The following CNTNAP2 variants were observed in gnomAD, a reference collection of about 807,000 sequenced individuals.
CNTNAP2 encodes contactin associated protein 2.
CNTNAP2 carries 98 observed loss-of-function variants against 155.2 expected under a neutral mutation model. The observed-to-expected ratio is 0.63, with a 90% CI of 0.54 to 0.75. The LOEUF (loss-of-function observed/expected upper bound fraction) is 0.75. CNTNAP2 is among the 30% of genes least tolerant of loss of function. CNTNAP2 has a pLI of 0.00. For missense variants in CNTNAP2, 1,727 were observed against 1,688.1 expected (o/e 1.02, Z -0.40); for synonymous variants, 651 against 631.2 (o/e 1.03, Z -0.47).
chr7:147,902,535 G>A (rs1350695016), intron 13 of CNTNAP2, among the ~76,000 whole-genome samples: 1 of 152,066 alleles, frequency 6.6e-6, no homozygotes. Context: ...AATCCAATTT[G>A]TCATCTTTTA....
intron 1 of CNTNAP2, among the ~76,000 whole-genome samples, chr7:146,327,067 G>C (rs1226977323): frequency 1.3e-5 from 2 of 152,012 alleles, no homozygotes; most frequent in African/African-American, 4.8e-5. Flanking sequence ...ATCTGACATG[G>C]TAATAATATA....
intron 8 of CNTNAP2, among the ~76,000 whole-genome samples, chr7:147,233,471 C>A (rs997188166): frequency 4.0e-5 from 6 of 151,728 alleles, no homozygotes; most frequent in Non-Finnish European, 8.8e-5. Context: ...GTAGAGAAAA[C>A]AAACTTTGTC....
intron 15 of CNTNAP2, among the ~76,000 whole-genome samples, chr7:148,066,554 G>A (rs1803267587): frequency 6.6e-6 from 1 of 151,888 alleles, no homozygotes. Context: ...CCGGAGTGCA[G>A]TGGTGCTATC....
intron 1 of CNTNAP2, among the ~76,000 whole-genome samples, chr7:146,179,113 T>C (rs1798512885): frequency 6.6e-6 from 1 of 152,168 alleles, no homozygotes; most frequent in Non-Finnish European, 1.5e-5. Flanking sequence ...GATCACCTAG[T>C]GAACATAAGC....
intron 13 of CNTNAP2, among the ~76,000 whole-genome samples, chr7:147,689,481 T>C (rs1181600768): frequency 6.6e-6 from 1 of 152,180 alleles, no homozygotes; most frequent in Non-Finnish European, 1.5e-5. Flanking sequence ...CTCATATAAT[T>C]AAAGAAATCA....
intron 21 of CNTNAP2, among the ~76,000 whole-genome samples, chr7:148,362,299 C>A (rs1286719446): frequency 6.6e-6 from 1 of 152,142 alleles, no homozygotes. Context: ...TTACGTCCCC[C>A]CAGGTCCCTC....
intron 10 of CNTNAP2, among the ~76,000 whole-genome samples, chr7:147,414,451 AG>A (rs1253631855): frequency 7.1e-6 from 1 of 140,274 alleles, no homozygotes; most frequent in Non-Finnish European, 1.6e-5. Context: ...AAAAAAAAAA[AG>A]GATGCCAACA....
rs935649429 is a variant in CNTNAP2 at position 148,061,948 on chromosome 7, A to G, written c.2384-56170A>G. Among the ~76,000 whole-genome samples the G allele has an allele frequency of 3.9e-3, 463 of 117,936 alleles. 4 individuals carry two copies. Among genetic ancestry groups the G allele is most frequent in the African/African-American group, 4.6e-3 (133 of 28,736 alleles). 77.4% of individuals were successfully genotyped at this position (117,936 alleles called of 152,430 possible). A position where few individuals can be genotyped will look rare whatever the true frequency, so the allele number is the denominator to read the frequency against. On this transcript the variant is annotated intron_variant, in intron 15 of 23. Transcript: ENST00000361727. ...AGATAGATAGATAGATAGATAGATA[A>G]ACAGATATAGATAGATAGATAGATA...
chr7:146,855,941 A>G (rs576814977), intron 3 of CNTNAP2, among the ~76,000 whole-genome samples: 3 of 150,934 alleles, frequency 2.0e-5, no homozygotes, highest in African/African-American at 7.3e-5. Context: ...CACACCTAAG[A>G]TAGACTTTAA....
At chr7:147,468,195 G>A (rs1442860351) in intron 10 of CNTNAP2, among the ~76,000 whole-genome samples, 1 of 152,064 alleles carries the variant, frequency 6.6e-6, no homozygotes, top group African/African-American at 2.4e-5. Flanking sequence ...AGAGGCTGAG[G>A]CAGGATTGCT....
At position 147,950,364 on chromosome 7, in the gene CNTNAP2, C is replaced by CAAAAAAAAAAAAAAAAAA. The variant is rs386411606; in HGVS notation, c.2256-27486_2256-27469dup. ...AGCTTAAGCTATACACATAGAGAGGCAAAAAAAAAAAAAAAAAAAAAAAAA... is the reference window on the plus strand; with the variant it reads ...AGCTTAAGCTATACACATAGAGAGGCAAAAAAAAAAAAAAAAAAAAAAAAAAAAAAAAAAAAAAAAAAA... On this transcript the variant is annotated intron_variant, in intron 14 of 23. Transcript: ENST00000361727. Among the ~76,000 whole-genome samples, 7 of 55,784 alleles carry CAAAAAAAAAAAAAAAAAA rather than the reference C, an allele frequency of 1.3e-4. 1 individual carries two copies. Among genetic ancestry groups the CAAAAAAAAAAAAAAAAAA allele is most frequent in the East Asian group, 9.6e-4 (1 of 1,040 alleles). The allele number at this position is 55,784 out of a possible 152,430, so 36.6% of individuals were successfully genotyped here. A position where few individuals can be genotyped will look rare whatever the true frequency, so the allele number is the denominator to read the frequency against.
At chr7:147,401,056 C>G (rs569155788) in intron 10 of CNTNAP2, among the ~76,000 whole-genome samples, 2 of 152,078 alleles carry the variant, frequency 1.3e-5, no homozygotes, top group Non-Finnish European at 2.9e-5. Context: ...TTAGTGATGT[C>G]CCCTAGAGGT....
chr7:147,211,587 G>A (rs67143657), intron 8 of CNTNAP2, among the ~76,000 whole-genome samples: 3,581 of 151,952 alleles, frequency 0.024, 47 homozygotes, highest in South Asian at 0.043. Flanking sequence ...TTCAACACAC[G>A]GTGCTGGGAT....
chr7:146,355,716 A>G (rs1444892062), intron 1 of CNTNAP2, among the ~76,000 whole-genome samples: 2 of 152,140 alleles, frequency 1.3e-5, no homozygotes, highest in Non-Finnish European at 2.9e-5. Flanking sequence ...GTGAAATATC[A>G]TTTCATTTTA....
rs536338624 is a variant in CNTNAP2, at chr7:148,290,277, C to T, written c.3475+23151C>T. On this transcript the variant is annotated intron_variant, in intron 21 of 23. Transcript: ENST00000361727. ...AAATGTTTCTTGTTTTTTAAAAAAT[C>T]ATTGTACATAACAGTTTTCACCTTC... Among the ~76,000 whole-genome samples the T allele has an allele frequency of 2.8e-4, 42 of 152,132 alleles. 2 individuals carry two copies. In the South Asian group the frequency reaches 8.1e-3, roughly 29 times the overall value.
intron 1 of CNTNAP2, among the ~76,000 whole-genome samples, chr7:146,528,045 C>G (rs929113244): frequency 6.6e-6 from 1 of 152,028 alleles, no homozygotes; most frequent in African/African-American, 2.4e-5. Flanking sequence ...TGTCTTCTTT[C>G]TATTGATATA....
At chr7:146,860,198 G>C (rs975314205) in intron 3 of CNTNAP2, among the ~76,000 whole-genome samples, 10 of 152,316 alleles carry the variant, frequency 6.6e-5, no homozygotes, top group African/African-American at 2.4e-4. Context: ...GGAGATTAGA[G>C]CTAGATAGAA....
At chr7:147,230,249 AATTTATTT>A (rs950962706) in intron 8 of CNTNAP2, among the ~76,000 whole-genome samples, 1 of 150,874 alleles carries the variant, frequency 6.6e-6, no homozygotes, top group East Asian at 1.9e-4. Flanking sequence ...TTATTTTTTG[AATTTATTT>A]ATTTATTTAT....
chr7:147,174,092 C>T (rs1290277489), intron 8 of CNTNAP2, among the ~76,000 whole-genome samples: 1 of 152,086 alleles, frequency 6.6e-6, no homozygotes, highest in African/African-American at 2.4e-5. Flanking sequence ...CACAAAAAAA[C>T]CAGCAAACCA....
Sources: gnomAD v4.1 joint callset for allele counts (sites outside exome capture counted in the v4.1 genomes callset) on GRCh38, gnomAD v4.1.1 for gene constraint, MANE v1.5 for transcripts, NCBI Gene and HGNC (gene_info 2026-07-23, HGNC 2026-07-21) for gene names.